Variants in SEZ6 observed in about 807,000 individuals in gnomAD.
The protein encoded by SEZ6 is seizure protein 6 homolog.
SEZ6 carries 53 observed loss-of-function variants against 101.0 expected under a neutral mutation model. The observed-to-expected ratio is 0.52, with a 90% CI of 0.42 to 0.66. SEZ6 has a LOEUF of 0.66. Ranked by LOEUF, SEZ6 falls within the 30% of genes least tolerant of loss-of-function variation. The pLI, the probability that SEZ6 is intolerant of heterozygous loss-of-function variation, is 0.00. For missense variants in SEZ6, 1,102 were observed against 1,289.4 expected (o/e 0.85, Z 2.23); for synonymous variants, 488 against 512.2 (o/e 0.95, Z 0.64).
chr17:28,968,140 C>T (rs1407438384), intron 4 of SEZ6, among the ~76,000 whole-genome samples: 1 of 152,244 alleles, frequency 6.6e-6, no homozygotes, highest in East Asian at 1.9e-4. Context: ...CTCACCCCCT[C>T]TTCTGGCACC....
intron 2 of SEZ6, among the ~76,000 whole-genome samples, chr17:28,981,070 A>AT (rs2041293423): frequency 6.6e-6 from 1 of 151,644 alleles, no homozygotes; most frequent in South Asian, 2.1e-4. Context: ...TCATTTTTGT[A>AT]TTTTTAGTAG....
At position 28,955,231 on chromosome 17, in the gene SEZ6, A is replaced by G. The variant is rs946834785; in HGVS notation, c.*731T>C. On this transcript the variant is annotated 3_prime_UTR_variant, in exon 17 of 17. Coordinates refer to ENST00000317338, the MANE Select transcript of SEZ6 (RefSeq NM_178860.5). ...GGGTGAAGATGTTTGCAACAGCTAA[A>G]TAAACATCGGAGGAAAGTCTCCCTT... The G allele has an allele frequency of 5.3e-5, 9 of 169,016 alleles. No homozygotes were observed. Among genetic ancestry groups the G allele is most frequent in the Non-Finnish European group, 1.2e-4 (9 of 77,288 alleles). The allele number at this position is 169,016 out of a possible 1,614,324, so 10.5% of individuals were successfully genotyped here.
intron 12 of SEZ6, 34 bp from the exon 13 acceptor site, chr17:28,957,276 T>C: frequency 6.2e-7 from 1 of 1,613,316 alleles, no homozygotes; most frequent in Non-Finnish European, 8.5e-7. Context: ...GAGGGTGTCA[T>C]GCCCTTGGCC....
rs2041679787 is a variant in SEZ6 at position 29,005,710 on chromosome 17, T to C, written c.55+105A>G. 2 of 1,214,574 alleles carry C rather than the reference T, an allele frequency of 1.6e-6. No individual in the cohort carries two copies. Among genetic ancestry groups the C allele is most frequent in the Non-Finnish European group, 2.2e-6 (2 of 915,546 alleles). The allele number at this position is 1,214,574 out of a possible 1,614,324, so 75.2% of individuals were successfully genotyped here. On this transcript the variant is annotated intron_variant, in intron 1 of 16. Coordinates refer to ENST00000317338, the MANE Select transcript of SEZ6 (RefSeq NM_178860.5). The surrounding 1 kb of genome is among the most constrained non-coding windows in gnomAD (Gnocchi z 4.8). ...AGCGCAGCCGGCGGGGCGCGGTGCT[T>C]GGACTGGGCAGCCAGATGCCCGAAG...
chr17:28,993,050 G>C (rs181000834), intron 1 of SEZ6, among the ~76,000 whole-genome samples: 1 of 152,006 alleles, frequency 6.6e-6, no homozygotes, highest in African/African-American at 2.4e-5. Context: ...GAGAGGGAGG[G>C]ACTGACCTTG....
chr17:28,960,407 G>A lies in SEZ6; in HGVS notation c.1576+98C>T, dbSNP rs1422613880. 3 of 1,463,512 alleles carry A rather than the reference G, an allele frequency of 2.0e-6. 1 individual carries two copies. Among genetic ancestry groups the A allele is most frequent in the South Asian group, 2.4e-5 (2 of 81,648 alleles). The allele number at this position is 1,463,512 out of a possible 1,614,324, so 90.7% of individuals were successfully genotyped here. A position where few individuals can be genotyped will look rare whatever the true frequency, so the allele number is the denominator to read the frequency against. On this transcript the variant is annotated intron_variant, in intron 7 of 16. Coordinates refer to ENST00000317338, the MANE Select transcript of SEZ6 (RefSeq NM_178860.5). ...AGGGGCTGACTTGGAAGGAGTGACA[G>A]CATGGAGGCAGAGAGGGGTAGGGTG... is the stretch of plus-strand genomic sequence containing the variant.
intron 3 of SEZ6, among the ~76,000 whole-genome samples, chr17:28,975,575 G>A (rs1567991736): frequency 6.6e-6 from 1 of 152,196 alleles, no homozygotes. Context: ...GATGAGGACA[G>A]TGGCCAAAAT....
In SEZ6 at chr17:28,956,015, G is replaced by C. The variant is rs759654673; in HGVS notation, c.2953-21C>G. On this transcript the variant is annotated intron_variant, in intron 16 of 16. Transcript: ENST00000317338. ...AGAGACTGCTGGGAGTTGGAAACTT[G>C]TATTAGGTTTGCCAGGCCATAATTC... 5 of 1,612,132 alleles carry C rather than the reference G, an allele frequency of 3.1e-6. No individual in the cohort carries two copies. In the Admixed American group the frequency reaches 8.4e-5, roughly 27 times the overall value.
intron 1 of SEZ6, among the ~76,000 whole-genome samples, chr17:28,994,421 G>A (rs1338548936): frequency 2.0e-5 from 3 of 151,978 alleles, no homozygotes; most frequent in South Asian, 2.1e-4. Flanking sequence ...GAGTACAGGC[G>A]CCTGCCATAG....
chr17:28,961,084 C>G, intron 5 of SEZ6, 111 bp from the exon 6 acceptor site: 1 of 1,339,628 alleles, frequency 7.5e-7, no homozygotes, highest in Non-Finnish European at 1.0e-6. Context: ...CAGCGGGGAC[C>G]TTGCCTCCCT....
chr17:28,978,020 G>A (rs2041247764), intron 3 of SEZ6, among the ~76,000 whole-genome samples: 1 of 152,136 alleles, frequency 6.6e-6, no homozygotes, highest in South Asian at 2.1e-4. Flanking sequence ...GGTAGGAGAG[G>A]GTCCCCCTGA....
intron 1 of SEZ6, among the ~76,000 whole-genome samples, chr17:28,988,703 T>G (rs552115022): frequency 6.6e-6 from 1 of 152,296 alleles, no homozygotes; most frequent in South Asian, 2.1e-4. Flanking sequence ...CCAGTCAAAT[T>G]TGGATTGCAA....
intron 1 of SEZ6, among the ~76,000 whole-genome samples, chr17:29,004,788 A>T (rs1166347289): frequency 6.6e-6 from 1 of 152,182 alleles, no homozygotes; most frequent in African/African-American, 2.4e-5. Flanking sequence ...CGTGGGTGCC[A>T]GTAGCTTCCA....
At chr17:28,970,009 G>C (rs2041128739) in intron 3 of SEZ6, 57 bp from the exon 4 acceptor site, 8 of 1,460,278 alleles carry the variant, frequency 5.5e-6, no homozygotes, top group Non-Finnish European at 7.2e-6. Flanking sequence ...CTGCTGCCTG[G>C]ATCCTGCCGC....
chr17:28,999,681 G>A (rs2041589619), intron 1 of SEZ6, among the ~76,000 whole-genome samples: 1 of 152,210 alleles, frequency 6.6e-6, no homozygotes, highest in Non-Finnish European at 1.5e-5. Context: ...GGAAGCTGGG[G>A]CAGGGTTGGG....
At position 28,981,828 on chromosome 17, in the gene SEZ6, C is replaced by T. The variant is rs200037756; in HGVS notation, c.267G>A (p.Arg89=). ...EGLEKGDEEL[R]PALPFQPDPP... ...GGTCAGGCTGGAAGGGCAGTGCTGG[C>T]CTCAGCTCCTCATCTCCCTTTTCCA... Residue 89 remains arginine (R), a synonymous_variant, in exon 2 of 17, where the codon AGG becomes AGA. Transcript: ENST00000317338. 34 of 1,613,862 alleles carry T rather than the reference C, an allele frequency of 2.1e-5. No homozygotes were observed. In the African/African-American group the frequency reaches 4.4e-4, roughly 21 times the overall value.
intron 10 of SEZ6, among the ~76,000 whole-genome samples, chr17:28,958,374 C>T (rs2040918120): frequency 6.6e-6 from 1 of 152,220 alleles, no homozygotes; most frequent in Non-Finnish European, 1.5e-5. Context: ...CCAAAAGCAC[C>T]TTGACCAGTT....
At chr17:29,001,705 G>A (rs1377986972) in intron 1 of SEZ6, among the ~76,000 whole-genome samples, 1 of 152,136 alleles carries the variant, frequency 6.6e-6, no homozygotes, top group East Asian at 1.9e-4. Context: ...TGGGTGGGTC[G>A]GCTTCCTGGA....
At chr17:28,995,581 C>T (rs537664319) in intron 1 of SEZ6, among the ~76,000 whole-genome samples, 1 of 152,146 alleles carries the variant, frequency 6.6e-6, no homozygotes, top group Admixed American at 6.5e-5. Context: ...CCCTGGGCAT[C>T]CTTGTCCTGC....
Sources: gnomAD v4.1 joint callset for allele counts (sites outside exome capture counted in the v4.1 genomes callset) on GRCh38, gnomAD v4.1.1 for gene constraint, Gnocchi (gnomAD v3.1) non-coding constraint, MANE v1.5 for transcripts, NCBI Gene and HGNC (gene_info 2026-07-23, HGNC 2026-07-21) for gene names.